FBXW7: variants seen among roughly 807,000 people sequenced by gnomAD.
FBXW7 encodes the protein F-box and WD repeat domain containing 7.
FBXW7 carries 11 observed loss-of-function variants against 86.3 expected under a neutral mutation model. The ratio of observed to expected loss-of-function variants is 0.13; its 90% CI spans 0.08 to 0.21. FBXW7 has a LOEUF of 0.21. Among genes scored for constraint, FBXW7 ranks in the 10% least tolerant of loss-of-function variants. The probability of loss-of-function intolerance (pLI) is 1.00; values close to 1 mark genes in which losing one functional copy is unlikely to be tolerated. For synonymous variants in FBXW7, 313 were observed against 297.9 expected, an observed-to-expected ratio of 1.05 and a Z score of -0.52; for missense variants, 488 against 847.4, an observed-to-expected ratio of 0.58 and a Z score of 5.27.
chr4:152,451,665 G>C (rs1225767182), intron 2 of FBXW7: 7 of 151,740 alleles, frequency 4.6e-5, no homozygotes, highest in Non-Finnish European at 1.0e-4. Flanking sequence ...CTTGCCTGTA[G>C]TCCCACCTAC....
At chr4:152,407,066 A>C (rs577864761) in intron 4 of FBXW7, among the ~76,000 whole-genome samples, 1 of 152,320 alleles carries the variant, frequency 6.6e-6, no homozygotes, top group South Asian at 2.1e-4. Flanking sequence ...CTTGAGAGGT[A>C]GGCATGAGTC....
chr4:152,357,265 A>G (rs891355810), intron 4 of FBXW7, among the ~76,000 whole-genome samples: 1 of 152,128 alleles, frequency 6.6e-6, no homozygotes, highest in African/African-American at 2.4e-5. Context: ...GCAAATCAAA[A>G]TGTTATAGCT....
chr4:152,362,113 GT>G (rs1002228723), intron 4 of FBXW7, among the ~76,000 whole-genome samples: 1 of 152,124 alleles, frequency 6.6e-6, no homozygotes, highest in Non-Finnish European at 1.5e-5. Flanking sequence ...GGCATGGTAT[GT>G]AATGATGGAA....
intron 2 of FBXW7, among the ~76,000 whole-genome samples, chr4:152,479,405 A>G (rs888030250): frequency 6.6e-6 from 1 of 152,182 alleles, no homozygotes; most frequent in Non-Finnish European, 1.5e-5. Context: ...ATCCAAGGGC[A>G]AATGAAAATT....
chr4:152,521,882 G>A (rs1380189317), intron 2 of FBXW7, among the ~76,000 whole-genome samples: 8 of 142,166 alleles, frequency 5.6e-5, no homozygotes, highest in African/African-American at 2.1e-4. Context: ...GCAATGGCGC[G>A]ATCTCAGCTC....
Position 152,384,258 on chromosome 4 carries a change from T to C in FBXW7, c.501+27045A>G, listed in dbSNP as rs76499421. Among the ~76,000 whole-genome samples the C allele has an allele frequency of 1.0e-3, 156 of 152,128 alleles. 2 individuals carry two copies. In the East Asian group the frequency reaches 0.025, roughly 24 times the overall value. ...ATGCTTATAGCAGCCTTATTAACAA[T>C]AGCCAAAAGGTAGAAGCAACTCAAG... is the stretch of plus-strand genomic sequence containing the variant. On this transcript the variant is annotated intron_variant, in intron 4 of 13. Transcript: ENST00000281708.
chr4:152,378,490 A>C (rs1734760050), intron 4 of FBXW7, among the ~76,000 whole-genome samples: 1 of 152,168 alleles, frequency 6.6e-6, no homozygotes, highest in Non-Finnish European at 1.5e-5. Context: ...TATAGGAGGC[A>C]CTCTAAATAC....
intron 13 of FBXW7, 69 bp downstream of exon 13, chr4:152,324,115 A>T (rs918379796): frequency 2.4e-6 from 3 of 1,240,406 alleles, no homozygotes; most frequent in African/African-American, 1.5e-5. Flanking sequence ...TGTGATGCTA[A>T]GGCTCCATAT....
chr4:152,481,635 G>C (rs148353183), intron 2 of FBXW7, among the ~76,000 whole-genome samples: 16 of 152,304 alleles, frequency 1.1e-4, no homozygotes, highest in Admixed American at 3.3e-4. Context: ...TTATTCATGA[G>C]TGGAGATCAA....
intron 2 of FBXW7, among the ~76,000 whole-genome samples, chr4:152,445,043 C>G (rs909455839): frequency 7.2e-5 from 11 of 152,142 alleles, no homozygotes; most frequent in Admixed American, 7.2e-4. Context: ...CCAGGCTGGT[C>G]TCAAACTTCT....
chr4:152,479,452 C>T (rs539968103), intron 2 of FBXW7, among the ~76,000 whole-genome samples: 37 of 152,214 alleles, frequency 2.4e-4, no homozygotes, highest in African/African-American at 6.5e-4. Context: ...TCTTTGGTCT[C>T]GCCTGTCCTA....
rs1744141119 is a variant in FBXW7, at chr4:152,473,531, C to G, written c.-119-61002G>C. 1.3e-5 allele frequency among the ~76,000 whole-genome samples: 2 copies of G among 152,140 alleles called. 1 individual carries two copies. The highest frequency in any genetic ancestry group is 4.1e-4 in the South Asian group (2 of 4,820). On this transcript the variant is annotated intron_variant, in intron 2 of 13. Transcript: ENST00000281708. ...ATGAGGTCTTACTCTTTTGCCCAGG[C>G]TGAAGTGCAGTGGCATTACCATAGC...
rs1728989371 is a variant in FBXW7, at chr4:152,326,096, T to C, written c.1554A>G (p.Ala518=). The C allele has an allele frequency of 3.1e-6, 5 of 1,613,408 alleles. No individual in the cohort carries two copies. In the South Asian group the frequency reaches 4.4e-5, roughly 14 times the overall value. ...CCCACACCTTTACCATAAAATCATA[T>C]GCTCCACTAACAACCCTCCTGCCAT... The part of the protein sequence containing the change: ...QYDGRRVVSG[A]YDFMVKVWDP... The change falls in exon 12 of 14, where the codon GCA becomes GCG. Residue 518 remains alanine (A), a synonymous_variant. Transcript: ENST00000281708.
At chr4:152,426,275 A>C (rs540605155) in intron 2 of FBXW7, among the ~76,000 whole-genome samples, 1 of 152,080 alleles carries the variant, frequency 6.6e-6, no homozygotes, top group Non-Finnish European at 1.5e-5. Context: ...GGTCTAGTAT[A>C]TATCTAGTTG....
At chr4:152,439,353 G>A (rs1740668235) in intron 2 of FBXW7, among the ~76,000 whole-genome samples, 1 of 152,032 alleles carries the variant, frequency 6.6e-6, no homozygotes. Flanking sequence ...CATTTCAAAG[G>A]AGAAAGCATA....
intron 2 of FBXW7, among the ~76,000 whole-genome samples, chr4:152,499,752 T>A (rs1746739052): frequency 6.6e-6 from 1 of 152,086 alleles, no homozygotes; most frequent in South Asian, 2.1e-4. Flanking sequence ...GAGACAGGGT[T>A]TCACCATGTT....
intron 2 of FBXW7, among the ~76,000 whole-genome samples, chr4:152,430,697 G>A (rs1421284933): frequency 1.3e-5 from 2 of 152,212 alleles, no homozygotes. Flanking sequence ...TGACAGATAA[G>A]AACATTAGAG....
chr4:152,370,466 G>A (rs1213372906), intron 4 of FBXW7, among the ~76,000 whole-genome samples: 1 of 151,862 alleles, frequency 6.6e-6, no homozygotes, highest in Non-Finnish European at 1.5e-5. Flanking sequence ...ACCTTTACTT[G>A]AGGAAGAAAG....
intron 4 of FBXW7, among the ~76,000 whole-genome samples, chr4:152,391,050 T>C (rs1235222177): frequency 1.3e-5 from 2 of 152,132 alleles, no homozygotes; most frequent in South Asian, 2.1e-4. Context: ...TACTGTTGAG[T>C]TTCTGATGCA....
Sources: allele counts gnomAD v4.1 joint callset (sites outside exome capture counted in the v4.1 genomes callset), GRCh38; gene constraint gnomAD v4.1.1; transcripts MANE v1.5; gene names NCBI Gene and HGNC (gene_info 2026-07-23, HGNC 2026-07-21).